SYNDIG1: variants seen among roughly 807,000 people sequenced by gnomAD.
SYNDIG1 encodes the protein synapse differentiation-inducing gene protein 1.
A neutral mutation model predicts 19.4 loss-of-function variants in SYNDIG1; 9 were observed. That is an observed-to-expected ratio of 0.46 (90% CI 0.28 to 0.81). The LOEUF (loss-of-function observed/expected upper bound fraction) is 0.81. SYNDIG1 is among the 30% of genes least tolerant of loss of function. The pLI is 0.12. For synonymous variants in SYNDIG1, 141 were observed against 145.9 expected (o/e 0.97, Z 0.24); for missense variants, 311 against 343.3 (o/e 0.91, Z 0.74).
intron 1 of SYNDIG1, among the ~76,000 whole-genome samples, chr20:24,541,970 T>C (rs1049038993): frequency 6.6e-6 from 1 of 152,112 alleles, no homozygotes; most frequent in African/African-American, 2.4e-5. Flanking sequence ...GGAAAGGCTC[T>C]GAGCAGGTAG....
chr20:24,470,149 A>T (rs911443343), intron 1 of SYNDIG1, among the ~76,000 whole-genome samples: 1 of 152,118 alleles, frequency 6.6e-6, no homozygotes, highest in Non-Finnish European at 1.5e-5. Context: ...GCTGCCCAGC[A>T]GGGCCATGAG....
intron 2 of SYNDIG1, among the ~76,000 whole-genome samples, chr20:24,573,165 C>A (rs992431997): frequency 6.6e-6 from 1 of 152,188 alleles, no homozygotes; most frequent in Admixed American, 6.5e-5. Context: ...ATGCAAGCAA[C>A]GTACATTGTA....
At chr20:24,582,153 C>A (rs1322151983) in intron 2 of SYNDIG1, among the ~76,000 whole-genome samples, 1 of 145,050 alleles carries the variant, frequency 6.9e-6, no homozygotes, top group Non-Finnish European at 1.5e-5. Flanking sequence ...GCACTCCCTC[C>A]CCACTGCACT....
At chr20:24,565,784 GC>G (rs2058033950) in intron 2 of SYNDIG1, among the ~76,000 whole-genome samples, 1 of 152,070 alleles carries the variant, frequency 6.6e-6, no homozygotes, top group African/African-American at 2.4e-5. Flanking sequence ...CTGAGTCTCA[GC>G]CCCTTTTTCA....
chr20:24,570,862 C>T (rs1313881625), intron 2 of SYNDIG1, among the ~76,000 whole-genome samples: 1 of 152,146 alleles, frequency 6.6e-6, no homozygotes, highest in African/African-American at 2.4e-5. Flanking sequence ...TCTAATAACT[C>T]ATAATTGGAA....
intron 1 of SYNDIG1, among the ~76,000 whole-genome samples, chr20:24,514,501 A>G (rs2056819898): frequency 6.6e-6 from 1 of 152,216 alleles, no homozygotes; most frequent in Non-Finnish European, 1.5e-5. Context: ...CAGACTTTAA[A>G]CCAATGAAAA....
intron 1 of SYNDIG1, among the ~76,000 whole-genome samples, chr20:24,522,621 C>T (rs1449581534): frequency 1.3e-5 from 2 of 152,130 alleles, no homozygotes; most frequent in Non-Finnish European, 2.9e-5. Flanking sequence ...CATGCTTACC[C>T]ACACTGTTTC....
At chr20:24,559,473 G>T (rs1283772596) in intron 2 of SYNDIG1, among the ~76,000 whole-genome samples, 1 of 152,142 alleles carries the variant, frequency 6.6e-6, no homozygotes, top group East Asian at 1.9e-4. Context: ...AGATCTATAA[G>T]CCTTAAACAA....
chr20:24,506,713 C>T (rs1030633469), intron 1 of SYNDIG1, among the ~76,000 whole-genome samples: 15 of 152,070 alleles, frequency 9.9e-5, no homozygotes, highest in East Asian at 1.9e-4. Context: ...ATTTCAAATC[C>T]GCTGATGCAG....
chr20:24,591,832 T>A (rs1230824092), intron 3 of SYNDIG1, among the ~76,000 whole-genome samples: 1 of 152,242 alleles, frequency 6.6e-6, no homozygotes, highest in Non-Finnish European at 1.5e-5. Flanking sequence ...TCTGGGTCAG[T>A]GGTCAGTGAT....
At chr20:24,603,798 A>C (rs1232185276) in intron 3 of SYNDIG1, among the ~76,000 whole-genome samples, 5 of 152,220 alleles carry the variant, frequency 3.3e-5, no homozygotes, top group Non-Finnish European at 7.3e-5. Context: ...GAGCAGAGAC[A>C]TTCGTCAGGC....
chr20:24,473,655 C>T (rs2055535118), intron 1 of SYNDIG1, among the ~76,000 whole-genome samples: 1 of 152,140 alleles, frequency 6.6e-6, no homozygotes, highest in South Asian at 2.1e-4. Flanking sequence ...TGTCTCCTGT[C>T]TCCAGGCTAC....
chr20:24,473,828 C>T (rs2055540275), intron 1 of SYNDIG1, among the ~76,000 whole-genome samples: 1 of 152,190 alleles, frequency 6.6e-6, no homozygotes, highest in Non-Finnish European at 1.5e-5. Context: ...TTTCATTTAA[C>T]AAGCTGTGAC....
At chr20:24,545,969 T>C (rs1169709868) in intron 2 of SYNDIG1, among the ~76,000 whole-genome samples, 3 of 152,210 alleles carry the variant, frequency 2.0e-5, no homozygotes, top group South Asian at 2.1e-4. Context: ...AGTGAGACTT[T>C]CTGGTCGGCT....
At chr20:24,501,751 A>G (rs2056459152) in intron 1 of SYNDIG1, among the ~76,000 whole-genome samples, 2 of 152,338 alleles carry the variant, frequency 1.3e-5, no homozygotes, top group East Asian at 1.9e-4. Flanking sequence ...TCTGTCATGC[A>G]CTAGACTCTG....
intron 3 of SYNDIG1, among the ~76,000 whole-genome samples, chr20:24,623,669 G>A (rs766981269): frequency 3.9e-5 from 6 of 152,140 alleles, no homozygotes; most frequent in East Asian, 3.9e-4. Context: ...GTACCCGCAC[G>A]ACACATGGAG....
intron 1 of SYNDIG1, among the ~76,000 whole-genome samples, chr20:24,526,965 C>A (rs1226099068): frequency 3.3e-5 from 5 of 152,122 alleles, no homozygotes; most frequent in African/African-American, 1.2e-4. Context: ...CTTTTAAGAC[C>A]TTTCCACTTA....
At chr20:24,593,466 C>T (rs953763593) in intron 3 of SYNDIG1, among the ~76,000 whole-genome samples, 2 of 129,740 alleles carry the variant, frequency 1.5e-5, no homozygotes, top group Admixed American at 1.7e-4. Context: ...TTAGTTGGTT[C>T]CATGCTATTG....
intron 1 of SYNDIG1, among the ~76,000 whole-genome samples, chr20:24,542,370 A>G (rs1291808981): frequency 3.3e-5 from 5 of 152,206 alleles, no homozygotes; most frequent in Non-Finnish European, 5.9e-5. Context: ...GTTAAAATGC[A>G]GATTCTGATT....
Sources: gnomAD v4.1 joint callset for allele counts (sites outside exome capture counted in the v4.1 genomes callset) on GRCh38, gnomAD v4.1.1 for gene constraint, MANE v1.5 for transcripts, NCBI Gene and HGNC (gene_info 2026-07-23, HGNC 2026-07-21) for gene names.